Variants in DEPDC1 observed in about 807,000 individuals in gnomAD.
DEPDC1 encodes DEP domain containing 1, also known as DEP domain-containing protein 1A.
In DEPDC1, 66 loss-of-function variants were observed where a neutral mutation model predicts 86.8. That is an observed-to-expected ratio of 0.76 (90% CI 0.62 to 0.93). The LOEUF (loss-of-function observed/expected upper bound fraction) is 0.93, where lower values mean the gene tolerates loss of function less well. DEPDC1 is among the 40% of genes least tolerant of loss of function. The pLI, the probability that DEPDC1 is intolerant of heterozygous loss-of-function variation, is 0.00. For synonymous variants in DEPDC1, 255 were observed against 314.9 expected, an observed-to-expected ratio of 0.81 and a Z score of 2.02; for missense variants, 792 against 935.7, an observed-to-expected ratio of 0.85 and a Z score of 2.00.
rs1211174392 is a variant in DEPDC1, at chr1:68,479,004, C to T, written c.2112+140G>A. On this transcript the variant is annotated intron_variant, in intron 10 of 11. Transcript: ENST00000456315. ...AAGAGTCATATAGCTATTTGAGTCCCAGATTCTGTCTACATTCCTGACTTT... is the reference window on the plus strand; with the variant it reads ...AAGAGTCATATAGCTATTTGAGTCCTAGATTCTGTCTACATTCCTGACTTT... 3 of 651,516 alleles carry T rather than the reference C, an allele frequency of 4.6e-6. No individual in the cohort carries two copies. The African/African-American group carries it at 5.6e-5, about 12-fold the overall frequency. The allele number at this position is 651,516 out of a possible 1,614,324, so 40.4% of individuals were successfully genotyped here. A position where few individuals can be genotyped will look rare whatever the true frequency, so the allele number is the denominator to read the frequency against.
Position 68,482,183 on chromosome 1 carries a change from C to T in DEPDC1, c.1625G>A (p.Ser542Asn). The T allele has an allele frequency of 1.9e-6, 3 of 1,612,908 alleles. No individual in the cohort carries two copies. Among genetic ancestry groups the T allele is most frequent in the Non-Finnish European group, 2.5e-6 (3 of 1,179,180 alleles). ...TTCCATAGCTGTTTGCACACTTGTG[C>T]TGCCTTGTCCAACATTTGGTTTCAT... ...IIMKPNVGQG[S>N]TSVQTAMESE... Residue 542 changes from serine (S) to asparagine (N), a missense_variant, in exon 8 of 12, where the codon AGC becomes AAC. Transcript: ENST00000456315.
At chr1:68,477,734 G>A (rs1342876711) in intron 11 of DEPDC1, 53 bp downstream of exon 11, 4 of 1,171,566 alleles carry the variant, frequency 3.4e-6, no homozygotes, top group Non-Finnish European at 4.7e-6. Flanking sequence ...TAACAACCAG[G>A]AACAGCACAT....
chr1:68,489,107 A>C (rs1307487283), intron 3 of DEPDC1, 73 bp from the exon 4 acceptor site: 10 of 904,298 alleles, frequency 1.1e-5, no homozygotes, highest in Non-Finnish European at 1.8e-5. Flanking sequence ...CAATAATTCT[A>C]TTACTATCAG....
intron 2 of DEPDC1, among the ~76,000 whole-genome samples, chr1:68,490,044 A>G (rs1250902499): frequency 6.6e-6 from 1 of 152,126 alleles, no homozygotes; most frequent in African/African-American, 2.4e-5. Flanking sequence ...TACTTCAAAG[A>G]TATAATAAAA....
chr1:68,480,026 A>G (rs550299752), intron 9 of DEPDC1, among the ~76,000 whole-genome samples: 1 of 152,178 alleles, frequency 6.6e-6, no homozygotes, highest in Non-Finnish European at 1.5e-5. Flanking sequence ...TGTAACATAT[A>G]GAACACTTCT....
chr1:68,494,383 A>G, intron 2 of DEPDC1, 47 bp downstream of exon 2: 1 of 1,531,314 alleles, frequency 6.5e-7, no homozygotes, highest in Non-Finnish European at 8.9e-7. Context: ...AAGTAGAGAT[A>G]AAACTTTACA....
intron 5 of DEPDC1, among the ~76,000 whole-genome samples, chr1:68,487,911 TG>T: frequency 6.6e-6 from 1 of 152,018 alleles, no homozygotes; most frequent in East Asian, 1.9e-4. Context: ...ATCCTCATCT[TG>T]AAAGTCTGAG....
At chr1:68,492,543 C>T (rs1022074798) in intron 2 of DEPDC1, among the ~76,000 whole-genome samples, 2 of 151,830 alleles carry the variant, frequency 1.3e-5, no homozygotes, top group African/African-American at 4.8e-5. Flanking sequence ...CCCGTGTCCA[C>T]AAAAAATTCA....
rs781714195 is a variant in DEPDC1, at chr1:68,496,987, C to A, written c.13G>T (p.Gly5Cys). Residue 5 changes from glycine to cysteine, a missense_variant, in exon 1 of 12, where the codon GGT becomes TGT. Gly to Cys is a radical substitution (Grantham distance 159, BLOSUM62 -3). Transcript: ENST00000456315. The surrounding 1 kb of genome is among the most constrained non-coding windows in gnomAD (Gnocchi z 4.0). Reference protein sequence around the residue: MESQGVPPGPYRATK... With the variant: MESQCVPPGPYRATK... ...GCCCGATAAGGCCCGGGAGGCACAC[C>A]CTGACTCTCCATAGGTCTGTCAGCG... The A allele has an allele frequency of 1.7e-5, 27 of 1,613,344 alleles. No individual in the cohort carries two copies. The African/African-American group carries it at 3.1e-4, about 18-fold the overall frequency.
intron 2 of DEPDC1, 117 bp from the exon 3 acceptor site, chr1:68,489,725 A>C (rs1646216908): frequency 1.5e-6 from 1 of 668,034 alleles, no homozygotes; most frequent in Admixed American, 3.9e-5. Context: ...CCAAGTAATA[A>C]AGATTCTAGA....
chr1:68,488,694 T>C (rs1249479750), intron 4 of DEPDC1, among the ~76,000 whole-genome samples, 190 bp from the exon 5 acceptor site: 2 of 151,778 alleles, frequency 1.3e-5, no homozygotes, highest in Non-Finnish European at 3.0e-5. Context: ...TCCCAAACTA[T>C]GGCCATAATG....
chr1:68,481,338 C>A, intron 9 of DEPDC1, 102 bp downstream of exon 9: 1 of 1,075,502 alleles, frequency 9.3e-7, no homozygotes, highest in Non-Finnish European at 1.3e-6. Flanking sequence ...GAATCTAGCA[C>A]TTTAAGACTA....
rs555519616 is a variant in DEPDC1, at chr1:68,490,477, C to T, written c.315-869G>A. Among the ~76,000 whole-genome samples the T allele has an allele frequency of 8.5e-5, 13 of 152,238 alleles. No homozygotes were observed. In the East Asian group the frequency reaches 1.9e-3, roughly 23 times the overall value. On this transcript the variant is annotated intron_variant, in intron 2 of 11. Transcript: ENST00000456315. ...CATACTATTCCATGGTGTATATGTA[C>T]ACATTTTCTTCATCCAGTATACCAC...
chr1:68,482,579 T>C lies in DEPDC1; in HGVS notation c.1229A>G (p.His410Arg), dbSNP rs1646164241. Residue 410 changes from histidine to arginine, a missense_variant, in exon 8 of 12, where the codon CAT becomes CGT. By Grantham distance (29) the His-to-Arg change is conservative. Transcript: ENST00000456315. ...CHNLIGLSNMHDLSSNSKPRC... is the reference protein window; with the variant it reads ...CHNLIGLSNMRDLSSNSKPRC... ...TGGTTTGCTGTTAGAGGATAGATCA[T>C]GCATATTACTTAACCCTATTAAATT... 1 of 1,613,004 alleles carries C rather than the reference T, an allele frequency of 6.2e-7. No homozygotes were observed. The highest frequency in any genetic ancestry group is 8.5e-7 in the Non-Finnish European group (1 of 1,179,354).
At position 68,489,462 on chromosome 1, in the gene DEPDC1, T is replaced by G. The variant is rs756386077; in HGVS notation, c.461A>C (p.His154Pro). ...AAAAGGATGTGTTACCTGAGATAAA[T>G]GTAATCCATGCCTTTTAGGAGTTCT... Reference protein sequence around the residue: ...SRRTPKRHGLHLSQENGEKIK... With the variant: ...SRRTPKRHGLPLSQENGEKIK... The change falls in exon 3 of 12, where the codon CAT becomes CCT. Residue 154 changes from histidine to proline, a missense_variant. By Grantham distance (77) the His-to-Pro change is moderately conservative. Transcript: ENST00000456315. The G allele has an allele frequency of 3.3e-6, 5 of 1,503,280 alleles. No individual in the cohort carries two copies. Among genetic ancestry groups the G allele is most frequent in the Non-Finnish European group, 4.4e-6 (5 of 1,134,572 alleles). 93.1% of individuals were successfully genotyped at this position (1,503,280 alleles called of 1,614,324 possible).
At chr1:68,478,777 A>G (rs888004619) in intron 10 of DEPDC1, among the ~76,000 whole-genome samples, 14 of 151,972 alleles carry the variant, frequency 9.2e-5, no homozygotes, top group Admixed American at 9.2e-4. Context: ...TTAACAACCT[A>G]AACGATGCAT....
intron 1 of DEPDC1, among the ~76,000 whole-genome samples, chr1:68,495,077 G>C (rs1646256144): frequency 1.3e-5 from 2 of 152,058 alleles, no homozygotes; most frequent in Admixed American, 1.3e-4. Context: ...GGGAGGCGGA[G>C]GTTGCGGTGA....
At position 68,482,689 on chromosome 1, in the gene DEPDC1, T is replaced by C. The variant is rs1208172579; in HGVS notation, c.1119A>G (p.Gln373=). Residue 373 remains glutamine, a synonymous_variant, in exon 8 of 12, where the codon CAA becomes CAG. Coordinates refer to ENST00000456315, the MANE Select transcript of DEPDC1 (RefSeq NM_001114120.3). ...ERLQISNPGF[Q]ERCAKKMQLV... is the part of the protein sequence containing the mutation. ...GCTGCATTTTCTTAGCACATCTTTCTTGAAATCCTGGATTGCTTATCTGTA... is the reference window on the plus strand; with the variant it reads ...GCTGCATTTTCTTAGCACATCTTTCCTGAAATCCTGGATTGCTTATCTGTA... 6.2e-7 allele frequency: 1 copy of C among 1,612,430 alleles called. No homozygotes were observed. Among genetic ancestry groups the C allele is most frequent in the Non-Finnish European group, 8.5e-7 (1 of 1,179,218 alleles).
Position 68,483,950 on chromosome 1 carries a change from C to T in DEPDC1, c.910G>A (p.Val304Ile). 6.7e-7 allele frequency: 1 copy of T among 1,489,764 alleles called. No individual in the cohort carries two copies. The highest frequency in any genetic ancestry group is 9.0e-7 in the Non-Finnish European group (1 of 1,107,284). 92.3% of individuals were successfully genotyped at this position (1,489,764 alleles called of 1,614,324 possible). A position where few individuals can be genotyped will look rare whatever the true frequency, so the allele number is the denominator to read the frequency against. Residue 304 changes from valine (V) to isoleucine (I), a missense_variant and splice_region_variant, in exon 7 of 12, where the codon GTT becomes ATT. Transcript: ENST00000456315. The part of the protein sequence containing the change: ...EYYELFVNIL[V>I]VCGYITVSDR... ...TAAAATCAGTAAAATCTATACATAC[C>T]CAAAATGTTTACAAATAATTCGTAA... is the stretch of plus-strand genomic sequence containing the variant.
Sources: gnomAD v4.1 joint callset for allele counts (sites outside exome capture counted in the v4.1 genomes callset) on GRCh38, gnomAD v4.1.1 for gene constraint, Gnocchi (gnomAD v3.1) non-coding constraint, MANE v1.5 for transcripts, NCBI Gene and HGNC (gene_info 2026-07-23, HGNC 2026-07-21) for gene names.